Variants in TAFA1 observed in about 807,000 individuals in gnomAD.
The protein encoded by TAFA1 is TAFA chemokine like family member 1, also known as chemokine-like protein TAFA-1.
TAFA1 carries 4 observed loss-of-function variants against 18.5 expected under a neutral mutation model. That is an observed-to-expected ratio of 0.22 (90% CI 0.11 to 0.49). The LOEUF is 0.49. Ranked by LOEUF, TAFA1 falls within the 20% of genes least tolerant of loss-of-function variation. The pLI, the probability that TAFA1 is intolerant of heterozygous loss-of-function variation, is 0.98. For synonymous variants in TAFA1, 56 were observed against 55.2 expected (o/e 1.01, Z -0.06); for missense variants, 147 against 169.0 (o/e 0.87, Z 0.72).
chr3:68,469,268 G>C (rs2071949858), intron 3 of TAFA1, among the ~76,000 whole-genome samples: 1 of 151,946 alleles, frequency 6.6e-6, no homozygotes, highest in Admixed American at 6.6e-5. Context: ...ATTTGACAAG[G>C]AGCACTCAGG....
chr3:68,039,488 C>T lies in TAFA1; in HGVS notation c.118+32744C>T, dbSNP rs116514672. ...TATATATGCACTAAGAAAATGTATGCTATTGTACATGTGTGTATTTTATAC... is the reference window on the plus strand; with the variant it reads ...TATATATGCACTAAGAAAATGTATGTTATTGTACATGTGTGTATTTTATAC... On this transcript the variant is annotated intron_variant, in intron 2 of 4. Transcript: ENST00000478136. Among the ~76,000 whole-genome samples, 1,165 of 152,094 alleles carry T rather than the reference C, an allele frequency of 7.7e-3. 16 individuals are homozygous for T. Among genetic ancestry groups the T allele is most frequent in the African/African-American group, 0.026 (1,085 of 41,478 alleles).
intron 2 of TAFA1, among the ~76,000 whole-genome samples, chr3:68,189,001 T>C (rs1233739850): frequency 6.6e-6 from 1 of 151,844 alleles, no homozygotes; most frequent in African/African-American, 2.4e-5. Context: ...TGGTCAGACT[T>C]TCCAATTGGT....
intron 3 of TAFA1, among the ~76,000 whole-genome samples, chr3:68,447,081 A>G (rs2071483453): frequency 6.6e-6 from 1 of 152,184 alleles, no homozygotes; most frequent in African/African-American, 2.4e-5. Flanking sequence ...AAGGATTTGT[A>G]TAATGTTGGA....
chr3:68,328,065 G>A (rs781535942), intron 2 of TAFA1, among the ~76,000 whole-genome samples: 14 of 151,974 alleles, frequency 9.2e-5, no homozygotes, highest in Non-Finnish European at 1.6e-4. Flanking sequence ...GGTTAACGTC[G>A]GCCTGTGAAT....
At chr3:68,436,674 TCA>T (rs1241220220) in intron 3 of TAFA1, among the ~76,000 whole-genome samples, 3 of 152,130 alleles carry the variant, frequency 2.0e-5, no homozygotes, top group Non-Finnish European at 2.9e-5. Flanking sequence ...TAAGGATTGC[TCA>T]GAGTTCATTC....
intron 3 of TAFA1, among the ~76,000 whole-genome samples, chr3:68,468,922 G>C (rs1000240295): frequency 1.3e-5 from 2 of 152,154 alleles, no homozygotes; most frequent in African/African-American, 4.8e-5. Flanking sequence ...TTTTTAGTAA[G>C]ACATAAATTC....
At chr3:68,055,150 A>G (rs1384684771) in intron 2 of TAFA1, among the ~76,000 whole-genome samples, 1 of 152,118 alleles carries the variant, frequency 6.6e-6, no homozygotes, top group Non-Finnish European at 1.5e-5. Context: ...GCCACCTGCC[A>G]TAGTGCGTGA....
At chr3:68,239,170 T>A (rs988872476) in intron 2 of TAFA1, among the ~76,000 whole-genome samples, 2 of 152,164 alleles carry the variant, frequency 1.3e-5, no homozygotes, top group Non-Finnish European at 1.5e-5. Flanking sequence ...TAGTAAGGAA[T>A]CTTCTTAGTT....
chr3:68,501,152 C>G (rs2072650483), intron 3 of TAFA1, among the ~76,000 whole-genome samples: 1 of 65,164 alleles, frequency 1.5e-5, no homozygotes. Flanking sequence ...GAGACCCTGT[C>G]TGAAAAAAAA....
At chr3:68,129,333 G>A (rs2106878119) in intron 2 of TAFA1, among the ~76,000 whole-genome samples, 1 of 152,276 alleles carries the variant, frequency 6.6e-6, no homozygotes, top group East Asian at 1.9e-4. Context: ...CCCAATCCCA[G>A]CATTTAAAAA....
intron 2 of TAFA1, among the ~76,000 whole-genome samples, chr3:68,319,549 C>T (rs2106701930): frequency 6.6e-6 from 1 of 152,296 alleles, no homozygotes; most frequent in South Asian, 2.1e-4. Context: ...AGAAACCCTG[C>T]CCGAATGGCT....
At chr3:68,005,102 A>T (rs980504083) in intron 1 of TAFA1, among the ~76,000 whole-genome samples, 2 of 152,138 alleles carry the variant, frequency 1.3e-5, no homozygotes, top group African/African-American at 4.8e-5. Flanking sequence ...ATACATCCAC[A>T]GTCACCTCTG....
At chr3:68,327,449 A>C (rs1255698516) in intron 2 of TAFA1, among the ~76,000 whole-genome samples, 1 of 152,228 alleles carries the variant, frequency 6.6e-6, no homozygotes, top group Admixed American at 6.5e-5. Context: ...GGGATACAAC[A>C]TGAGTGAAGT....
At chr3:68,002,883 T>C (rs186088370), upstream of TAFA1, among the ~76,000 whole-genome samples, 135 of 152,292 alleles carry the variant, frequency 8.9e-4, 1 homozygote, top group African/African-American at 2.9e-3. Flanking sequence ...AGAATTAAAT[T>C]AGACTTTACA....
chr3:68,026,181 G>T (rs913246233), intron 2 of TAFA1, among the ~76,000 whole-genome samples: 1 of 151,740 alleles, frequency 6.6e-6, no homozygotes, highest in African/African-American at 2.4e-5. Flanking sequence ...CTTGCTTCAG[G>T]GGCCCTGGTC....
chr3:68,426,035 T>C (rs1482003499), intron 3 of TAFA1, among the ~76,000 whole-genome samples: 1 of 94,402 alleles, frequency 1.1e-5, no homozygotes, highest in Admixed American at 1.1e-4. Flanking sequence ...TAAACTAATT[T>C]TGAATGAATT....
intron 2 of TAFA1, among the ~76,000 whole-genome samples, chr3:68,166,705 C>T (rs1016630377): frequency 2.6e-5 from 4 of 152,206 alleles, no homozygotes; most frequent in Admixed American, 1.3e-4. Context: ...CCCTGGAGGA[C>T]GGGAAGGGAA....
At chr3:68,127,187 C>G (rs1456495478) in intron 2 of TAFA1, among the ~76,000 whole-genome samples, 1 of 152,134 alleles carries the variant, frequency 6.6e-6, no homozygotes, top group Non-Finnish European at 1.5e-5. Context: ...TCTGCCTCCT[C>G]TTGGTCACTG....
intron 2 of TAFA1, 101 bp from the exon 3 acceptor site, chr3:68,417,179 A>G (rs2106796592): frequency 5.7e-6 from 5 of 879,754 alleles, no homozygotes; most frequent in East Asian, 2.6e-5. Flanking sequence ...TGTTTCTATA[A>G]TTTCAATTAC....
Sources: gnomAD v4.1 joint callset for allele counts (sites outside exome capture counted in the v4.1 genomes callset) on GRCh38, gnomAD v4.1.1 for gene constraint, MANE v1.5 for transcripts, NCBI Gene and HGNC (gene_info 2026-07-23, HGNC 2026-07-21) for gene names.